Variants in PRKCA observed in about 807,000 individuals in gnomAD.
PRKCA encodes the protein protein kinase C alpha.
PRKCA carries 27 observed loss-of-function variants against 87.0 expected under a neutral mutation model. That is an observed-to-expected ratio of 0.31 (90% CI 0.23 to 0.43). PRKCA has a LOEUF of 0.43. Among genes scored for constraint, PRKCA ranks in the 20% least tolerant of loss-of-function variants. The pLI is 1.00. For synonymous variants in PRKCA, 329 were observed against 311.1 expected, an observed-to-expected ratio of 1.06 and a Z score of -0.61; for missense variants, 518 against 852.3, an observed-to-expected ratio of 0.61 and a Z score of 4.88.
rs148877798 is a variant in PRKCA at position 66,306,593 on chromosome 17, G to A, written c.205+466G>A. Among the ~76,000 whole-genome samples the A allele has an allele frequency of 7.9e-5, 12 of 152,250 alleles. No homozygotes were observed. The East Asian group carries it at 1.5e-3, about 20-fold the overall frequency. On this transcript the variant is annotated intron_variant, in intron 2 of 16. Coordinates refer to ENST00000413366, the MANE Select transcript of PRKCA (RefSeq NM_002737.3). ...AATACCAGTTGTCATCGAGAACAAA[G>A]TTTGCATGTTTTAAAGTTTTGTTGA...
intron 2 of PRKCA, among the ~76,000 whole-genome samples, chr17:66,491,158 G>T (rs1454385287): frequency 6.6e-6 from 1 of 152,208 alleles, no homozygotes; most frequent in Non-Finnish European, 1.5e-5. Flanking sequence ...GTCCGTCACT[G>T]CTGGGGAGCA....
chr17:66,449,766 C>T (rs1445947288), intron 2 of PRKCA, among the ~76,000 whole-genome samples: 1 of 152,286 alleles, frequency 6.6e-6, no homozygotes, highest in Admixed American at 6.5e-5. Flanking sequence ...CCTGCAGCGC[C>T]TGTGTAAAGG....
chr17:66,528,201 G>A (rs1967411080), intron 3 of PRKCA, among the ~76,000 whole-genome samples: 1 of 126,750 alleles, frequency 7.9e-6, no homozygotes, highest in Non-Finnish European at 1.6e-5. Context: ...CTGGGTGACA[G>A]AGCAAACGAA....
chr17:66,315,625 A>G (rs1905277637), intron 2 of PRKCA, among the ~76,000 whole-genome samples: 1 of 151,986 alleles, frequency 6.6e-6, no homozygotes, highest in Admixed American at 6.6e-5. Flanking sequence ...GATTACAGGC[A>G]TGTGCCATGA....
chr17:66,787,344 C>T (rs374230247), intron 15 of PRKCA, among the ~76,000 whole-genome samples: 15 of 152,094 alleles, frequency 9.9e-5, no homozygotes, highest in African/African-American at 3.6e-4. Context: ...GGCACAGTGG[C>T]GAAAGTGAAG....
At chr17:66,303,230 C>T (rs1904612905) in intron 1 of PRKCA, among the ~76,000 whole-genome samples, 1 of 152,058 alleles carries the variant, frequency 6.6e-6, no homozygotes, top group South Asian at 2.1e-4. Flanking sequence ...CCGCCACACA[C>T]ACCCCCTGGC....
intron 8 of PRKCA, among the ~76,000 whole-genome samples, chr17:66,695,862 A>G (rs1972905968): frequency 6.6e-6 from 1 of 152,252 alleles, no homozygotes; most frequent in South Asian, 2.1e-4. Context: ...TATATCACAT[A>G]TTACTCATTT....
At chr17:66,514,687 T>C (rs1208795634) in intron 3 of PRKCA, among the ~76,000 whole-genome samples, 1 of 152,022 alleles carries the variant, frequency 6.6e-6, no homozygotes, top group African/African-American at 2.4e-5. Context: ...GTGAGATGCC[T>C]GCTTCATTAG....
intron 13 of PRKCA, among the ~76,000 whole-genome samples, chr17:66,748,284 T>C (rs78826186): frequency 0.082 from 12,475 of 152,266 alleles, 667 homozygotes; most frequent in African/African-American, 0.16. Flanking sequence ...CAGATTCCTG[T>C]ATTTTTATGT....
intron 8 of PRKCA, among the ~76,000 whole-genome samples, chr17:66,700,955 C>A (rs1973044919): frequency 6.6e-6 from 1 of 151,976 alleles, no homozygotes; most frequent in South Asian, 2.1e-4. Flanking sequence ...AAAATAATCC[C>A]AGAATTCGTA....
chr17:66,676,941 C>T (rs1371528322), intron 5 of PRKCA, among the ~76,000 whole-genome samples: 1 of 152,126 alleles, frequency 6.6e-6, no homozygotes, highest in South Asian at 2.1e-4. Flanking sequence ...GCAGAAGGAA[C>T]CTAAGGGAAG....
intron 3 of PRKCA, among the ~76,000 whole-genome samples, chr17:66,613,621 C>A (rs569087518): frequency 1.3e-5 from 2 of 152,168 alleles, no homozygotes; most frequent in Admixed American, 6.5e-5. Flanking sequence ...CCCAGCAACC[C>A]CTGTGTTCCC....
chr17:66,499,438 G>C (rs1365729602), intron 3 of PRKCA, among the ~76,000 whole-genome samples: 1 of 152,160 alleles, frequency 6.6e-6, no homozygotes, highest in African/African-American at 2.4e-5. Flanking sequence ...GTATAAGTAG[G>C]TAACATACAG....
chr17:66,422,567 C>G (rs1912552162), intron 2 of PRKCA, among the ~76,000 whole-genome samples: 1 of 152,188 alleles, frequency 6.6e-6, no homozygotes, highest in South Asian at 2.1e-4. Context: ...AGGATTTTCA[C>G]TGGCTTCAGG....
chr17:66,768,034 A>G (rs1974848156), intron 13 of PRKCA, among the ~76,000 whole-genome samples: 1 of 152,154 alleles, frequency 6.6e-6, no homozygotes, highest in South Asian at 2.1e-4. Flanking sequence ...AGCTCGCTGT[A>G]AACTCTGCCT....
At chr17:66,514,627 T>A (rs180695280) in intron 3 of PRKCA, among the ~76,000 whole-genome samples, 87 of 152,252 alleles carry the variant, frequency 5.7e-4, no homozygotes, top group African/African-American at 2.0e-3. Context: ...TTTAGCTGTC[T>A]TGTCTTGTAG....
At chr17:66,569,605 G>GAA (rs35552727) in intron 3 of PRKCA, among the ~76,000 whole-genome samples, 90,818 of 151,754 alleles carry the variant, frequency 0.6, 28,470 homozygotes, top group African/African-American at 0.8. Context: ...AGATCAGTAA[G>GAA]AAAGACAATC....
chr17:66,647,537 AAGC>A (rs1971486704), intron 5 of PRKCA, among the ~76,000 whole-genome samples: 1 of 152,232 alleles, frequency 6.6e-6, no homozygotes, highest in Non-Finnish European at 1.5e-5. Flanking sequence ...TCTGTAATAA[AAGC>A]AGCAACCATA....
chr17:66,630,431 T>G (rs556829054), intron 3 of PRKCA, among the ~76,000 whole-genome samples: 40 of 152,340 alleles, frequency 2.6e-4, no homozygotes, highest in African/African-American at 9.6e-4. Context: ...TTGTAGCCCC[T>G]CCCTGGATGC....
Sources: allele counts gnomAD v4.1 joint callset (sites outside exome capture counted in the v4.1 genomes callset), GRCh38; gene constraint gnomAD v4.1.1; transcripts MANE v1.5; gene names NCBI Gene and HGNC (gene_info 2026-07-23, HGNC 2026-07-21).